Variants in GBF1 observed in about 807,000 individuals in gnomAD.
GBF1 encodes the protein Golgi-specific brefeldin A-resistance guanine nucleotide exchange factor 1.
GBF1 carries 114 observed loss-of-function variants against 210.5 expected under a neutral mutation model. The observed-to-expected ratio is 0.54, with a 90% CI of 0.47 to 0.63. The LOEUF is 0.63. GBF1 is among the 30% of genes least tolerant of loss of function. GBF1 has a pLI of 0.00. For missense variants in GBF1, 1,851 were observed against 2,357.7 expected, an observed-to-expected ratio of 0.79 and a Z score of 4.45; for synonymous variants, 850 against 889.2, an observed-to-expected ratio of 0.96 and a Z score of 0.78.
chr10:102,248,045 T>G (rs986868851), intron 1 of GBF1, among the ~76,000 whole-genome samples: 1 of 152,228 alleles, frequency 6.6e-6, no homozygotes, highest in Non-Finnish European at 1.5e-5. Context: ...CTCTTGCTTT[T>G]GAGGAGACTC....
At chr10:102,358,914 G>A (rs1215990424) in intron 10 of GBF1, among the ~76,000 whole-genome samples, 185 bp downstream of exon 10, 2 of 152,200 alleles carry the variant, frequency 1.3e-5, no homozygotes, top group African/African-American at 4.8e-5. Flanking sequence ...GACTCACTGT[G>A]AGAGATAGCT....
chr10:102,272,753 C>T (rs1449049522), intron 3 of GBF1, among the ~76,000 whole-genome samples: 2 of 152,168 alleles, frequency 1.3e-5, no homozygotes, highest in Non-Finnish European at 2.9e-5. Flanking sequence ...TAATTCATTC[C>T]CTTTAATTGG....
intron 3 of GBF1, among the ~76,000 whole-genome samples, chr10:102,314,715 A>G (rs1306556259): frequency 1.3e-5 from 2 of 152,208 alleles, no homozygotes; most frequent in African/African-American, 4.8e-5. Context: ...TCCTTGCCCA[A>G]GTTAGCAGAA....
At position 102,370,461 on chromosome 10, in the gene GBF1, G is replaced by T. The variant is rs1429234651; in HGVS notation, c.3489G>T (p.Arg1163Ser). The T allele has an allele frequency of 3.7e-6, 6 of 1,611,656 alleles. No individual in the cohort carries two copies. Among genetic ancestry groups the T allele is most frequent in the Non-Finnish European group, 5.1e-6 (6 of 1,177,816 alleles). ...DAAFCLEMLL[R>S]IVLENRDRVG... ...CTTTCTGCCTAGAGATGCTGCTAAG[G>T]ATTGTGTTGGAGAACAGGTAAGATG... is the stretch of plus-strand genomic sequence containing the variant. The change falls in exon 28 of 40, where the codon AGG becomes AGT. Residue 1163 changes from arginine to serine, a missense_variant. Arg to Ser is a moderately radical substitution (Grantham distance 110). This residue lies in a region of GBF1 where 967 missense variants were observed against 1,247.7 expected (regional missense o/e 0.78). Transcript: ENST00000369983.
At chr10:102,270,205 C>T (rs2074266834) in intron 3 of GBF1, among the ~76,000 whole-genome samples, 2 of 150,410 alleles carry the variant, frequency 1.3e-5, no homozygotes, top group African/African-American at 2.5e-5. Context: ...AGTCTAGCTC[C>T]ATCACCCAGG....
chr10:102,323,239 G>GAAAAAAAAAAAAAAAAAAAAAA (rs775888621), intron 3 of GBF1, among the ~76,000 whole-genome samples: 1 of 65,848 alleles, frequency 1.5e-5, no homozygotes, highest in Non-Finnish European at 2.8e-5. Context: ...CTCCAAAATT[G>GAAAAAAAAAAAAAAAAAAAAAA]AAAAAAAAAA....
chr10:102,254,363 A>G (rs939529418), intron 1 of GBF1, among the ~76,000 whole-genome samples: 1 of 152,166 alleles, frequency 6.6e-6, no homozygotes, highest in African/African-American at 2.4e-5. Flanking sequence ...GCAAGACCCT[A>G]TCTCTAAAAA....
At chr10:102,381,823 GAAAAAAAAAAA>G (rs386372282) in intron 39 of GBF1, among the ~76,000 whole-genome samples, 10 of 19,116 alleles carry the variant, frequency 5.2e-4, no homozygotes, top group South Asian at 2.7e-3. Flanking sequence ...ACCCTGTCGC[GAAAAAAAAAAA>G]AAAAAAAAAA....
chr10:102,361,945 A>C (rs1407632835), intron 14 of GBF1, 33 bp downstream of exon 14: 1 of 1,375,522 alleles, frequency 7.3e-7, no homozygotes, highest in Non-Finnish European at 9.9e-7. Flanking sequence ...TCTAGGAAAA[A>C]ACGCATTATA....
intron 3 of GBF1, among the ~76,000 whole-genome samples, chr10:102,315,664 TGTC>T (rs1334188440): frequency 6.6e-6 from 1 of 152,154 alleles, no homozygotes; most frequent in Non-Finnish European, 1.5e-5. Context: ...GAAAATCTAA[TGTC>T]GTCGCTAATC....
intron 3 of GBF1, among the ~76,000 whole-genome samples, chr10:102,298,180 G>T (rs2077059543): frequency 1.3e-5 from 2 of 151,954 alleles, no homozygotes; most frequent in African/African-American, 4.8e-5. Context: ...TGATCCCCCC[G>T]CCTCAGCCTC....
intron 4 of GBF1, among the ~76,000 whole-genome samples, chr10:102,350,878 G>A (rs998142736): frequency 1.3e-5 from 2 of 152,106 alleles, no homozygotes; most frequent in African/African-American, 2.4e-5. Flanking sequence ...GAGGTCAGGA[G>A]TTCAAGACCA....
Position 102,376,652 on chromosome 10 carries a change from G to A in GBF1, c.4140G>A (p.Leu1380=), listed in dbSNP as rs145193860. 5.0e-6 allele frequency: 8 copies of A among 1,614,006 alleles called. No homozygotes were observed. The African/African-American group carries it at 9.3e-5, about 19-fold the overall frequency. ...ATCAATACAGCCTAACAGTGGGACTGGATTTGGGGCCACACGACACTAAGT... is the reference window on the plus strand; with the variant it reads ...ATCAATACAGCCTAACAGTGGGACTAGATTTGGGGCCACACGACACTAAGT... ...LINQYSLTVG[L]DLGPHDTKSL... Residue 1380 remains leucine, a synonymous_variant, in exon 32 of 40, where the codon CTG becomes CTA. Coordinates refer to ENST00000369983, the MANE Select transcript of GBF1 (RefSeq NM_001377137.1).
At chr10:102,290,935 C>G (rs1182224293) in intron 3 of GBF1, among the ~76,000 whole-genome samples, 1 of 152,114 alleles carries the variant, frequency 6.6e-6, no homozygotes, top group Non-Finnish European at 1.5e-5. Context: ...CAAAGTGATG[C>G]TTTTATAATT....
At chr10:102,265,618 G>C (rs538018201) in intron 3 of GBF1, among the ~76,000 whole-genome samples, 1 of 152,128 alleles carries the variant, frequency 6.6e-6, no homozygotes, top group Non-Finnish European at 1.5e-5. Context: ...CCAGGAGTTC[G>C]AGGTTACAGT....
At chr10:102,275,828 A>G (rs1296585169) in intron 3 of GBF1, among the ~76,000 whole-genome samples, 1 of 152,252 alleles carries the variant, frequency 6.6e-6, no homozygotes, top group Non-Finnish European at 1.5e-5. Context: ...GAAGCATTGT[A>G]GGGAAAATAG....
chr10:102,311,191 A>C (rs1294605658), intron 3 of GBF1, among the ~76,000 whole-genome samples: 19 of 152,256 alleles, frequency 1.2e-4, no homozygotes, highest in Non-Finnish European at 2.9e-5. Flanking sequence ...GTCACTCTGC[A>C]TCAGGGCTGC....
At chr10:102,236,201 C>G in the GBF1 span, among the ~76,000 whole-genome samples, 1 of 152,198 alleles carries the variant, frequency 6.6e-6, no homozygotes, top group African/African-American at 2.4e-5. Flanking sequence ...TAAGCTCCCC[C>G]AAACTGCTGG....
At chr10:102,283,173 C>G (rs1353998770) in intron 3 of GBF1, among the ~76,000 whole-genome samples, 2 of 152,168 alleles carry the variant, frequency 1.3e-5, no homozygotes, top group Non-Finnish European at 2.9e-5. Flanking sequence ...AGAGGGTAGG[C>G]AGTTTATTGA....
Sources: allele counts gnomAD v4.1 joint callset (sites outside exome capture counted in the v4.1 genomes callset), GRCh38; gene constraint gnomAD v4.1.1; regional missense constraint gnomAD v4.1.1; transcripts MANE v1.5; gene names NCBI Gene and HGNC (gene_info 2026-07-23, HGNC 2026-07-21).